BABAM2: variants seen among roughly 807,000 people sequenced by gnomAD.
BABAM2 encodes the protein BRISC and BRCA1 A complex member 2, also known as BRISC and BRCA1-A complex member 2.
Under a neutral mutation model 54.7 loss-of-function variants are expected in BABAM2, and 31 were observed. That is an observed-to-expected ratio of 0.57 (90% CI 0.43 to 0.77). BABAM2 has a LOEUF of 0.77. Ranked by LOEUF, BABAM2 falls within the 30% of genes least tolerant of loss-of-function variation. The pLI is 0.00. For synonymous variants in BABAM2, 167 were observed against 162.9 expected (o/e 1.03, Z -0.19); for missense variants, 364 against 455.8 (o/e 0.80, Z 1.83).
chr2:28,276,457 G>A (rs76683099), intron 10 of BABAM2, among the ~76,000 whole-genome samples: 1,892 of 152,244 alleles, frequency 0.012, 19 homozygotes, highest in Non-Finnish European at 0.019. Context: ...CCTTTGTAAC[G>A]CGCAGCCGTG....
intron 5 of BABAM2, among the ~76,000 whole-genome samples, chr2:28,026,735 ATATATATTTATATATAAATATATATC>A (rs1675693892): frequency 1.1e-5 from 1 of 89,268 alleles, no homozygotes; most frequent in Non-Finnish European, 2.3e-5. Flanking sequence ...TTTTATATAA[ATATATATTTATATATAAATATATATC>A]TATATAAATA....
chr2:28,186,145 A>T (rs968385626), intron 7 of BABAM2, among the ~76,000 whole-genome samples: 1 of 152,232 alleles, frequency 6.6e-6, no homozygotes, highest in Non-Finnish European at 1.5e-5. Flanking sequence ...TTCCGACCTT[A>T]GCTTAACCAC....
chr2:28,256,823 T>G (rs1684019500), intron 10 of BABAM2, among the ~76,000 whole-genome samples: 1 of 150,228 alleles, frequency 6.7e-6, no homozygotes, highest in Non-Finnish European at 1.5e-5. Flanking sequence ...GCCTCCCAAA[T>G]AGCTGGGATT....
intron 4 of BABAM2, among the ~76,000 whole-genome samples, chr2:27,990,485 G>A (rs1025720812): frequency 2.0e-5 from 3 of 152,186 alleles, no homozygotes; most frequent in Admixed American, 2.0e-4. Context: ...GAATGAAGGG[G>A]GAATACAAAT....
Position 28,101,329 on chromosome 2 carries a change from C to G in BABAM2, c.571-27942C>G, listed in dbSNP as rs534799996. ...GCTGACACAACAGGGTTATGGCTGC[C>G]GAACCTATGACAGAGTTTGTCTTTT... On this transcript the variant is annotated intron_variant, in intron 6 of 11. Coordinates refer to ENST00000379624, the MANE Select transcript of BABAM2 (RefSeq NM_199191.3). Among the ~76,000 whole-genome samples the G allele has an allele frequency of 5.1e-3, 781 of 152,158 alleles. 5 individuals are homozygous for G. Among genetic ancestry groups the G allele is most frequent in the Non-Finnish European group, 7.3e-3 (498 of 68,000 alleles).
chr2:28,208,872 T>C (rs1270640876), intron 7 of BABAM2, among the ~76,000 whole-genome samples: 2 of 152,188 alleles, frequency 1.3e-5, no homozygotes, highest in Non-Finnish European at 2.9e-5. Flanking sequence ...CCCCAGTCCC[T>C]GGTGAACAAT....
At chr2:28,173,764 G>A (rs551958410) in intron 7 of BABAM2, among the ~76,000 whole-genome samples, 26 of 152,300 alleles carry the variant, frequency 1.7e-4, no homozygotes, top group African/African-American at 4.3e-4. Context: ...TCAATTCGTC[G>A]TTTGATAGTA....
At chr2:27,913,843 C>T (rs1345379728) in intron 2 of BABAM2, among the ~76,000 whole-genome samples, 1 of 152,140 alleles carries the variant, frequency 6.6e-6, no homozygotes, top group Non-Finnish European at 1.5e-5. Flanking sequence ...GTCTTAAACA[C>T]TATGCCAGTG....
At chr2:28,221,080 A>G (rs1226953759) in intron 7 of BABAM2, among the ~76,000 whole-genome samples, 1 of 150,972 alleles carries the variant, frequency 6.6e-6, no homozygotes, top group Non-Finnish European at 1.5e-5. Context: ...TCCTTTCACC[A>G]CCGCTGCTTC....
upstream of BABAM2, chr2:27,890,467 G>T: frequency 1.1e-6 from 1 of 910,698 alleles, no homozygotes; most frequent in Non-Finnish European, 1.7e-6. The surrounding 1 kb of genome is among the most constrained non-coding windows in gnomAD (Gnocchi z 4.8). Flanking sequence ...TACGCGGGTC[G>T]CCCACCTGAC....
chr2:28,082,707 A>G (rs1043282284), intron 6 of BABAM2, among the ~76,000 whole-genome samples: 1 of 152,184 alleles, frequency 6.6e-6, no homozygotes, highest in Non-Finnish European at 1.5e-5. Flanking sequence ...AGTAGACTCT[A>G]TGCTTAATTA....
At chr2:28,319,486 C>T (rs1346556726) in intron 11 of BABAM2, among the ~76,000 whole-genome samples, 1 of 152,254 alleles carries the variant, frequency 6.6e-6, no homozygotes, top group Non-Finnish European at 1.5e-5. Context: ...CCTCTTGTAC[C>T]TGGCATGTTA....
At chr2:27,973,583 G>A (rs989106763) in intron 3 of BABAM2, among the ~76,000 whole-genome samples, 1 of 152,104 alleles carries the variant, frequency 6.6e-6, no homozygotes, top group African/African-American at 2.4e-5. Context: ...AAAACATGGG[G>A]AGGGAAAAAC....
intron 5 of BABAM2, among the ~76,000 whole-genome samples, chr2:28,040,575 C>G: frequency 6.6e-6 from 1 of 152,190 alleles, no homozygotes; most frequent in Non-Finnish European, 1.5e-5. Flanking sequence ...GCTGGGATTA[C>G]AGGCGTGAGC....
At chr2:28,062,587 A>AAC (rs1678982576) in intron 6 of BABAM2, among the ~76,000 whole-genome samples, 1 of 152,006 alleles carries the variant, frequency 6.6e-6, no homozygotes, top group African/African-American at 2.4e-5. Flanking sequence ...AAAAAAAAAA[A>AAC]AACATATTTC....
intron 2 of BABAM2, chr2:27,896,815 G>A (rs1573108139): frequency 4.3e-6 from 1 of 229,962 alleles, no homozygotes; most frequent in East Asian, 1.4e-4. Context: ...TGCCCAACTG[G>A]GTCCACATTG....
At chr2:28,133,263 C>A (rs1228714050) in intron 7 of BABAM2, among the ~76,000 whole-genome samples, 1 of 152,194 alleles carries the variant, frequency 6.6e-6, no homozygotes, top group Non-Finnish European at 1.5e-5. Flanking sequence ...GTTTTGAGAA[C>A]TGACTGTGCT....
At chr2:28,220,446 A>T (rs1680297002) in intron 7 of BABAM2, among the ~76,000 whole-genome samples, 1 of 152,188 alleles carries the variant, frequency 6.6e-6, no homozygotes, top group Non-Finnish European at 1.5e-5. Flanking sequence ...TAGATCAATA[A>T]CATAGAGTTC....
At chr2:28,169,525 C>T (rs1023600003) in intron 7 of BABAM2, among the ~76,000 whole-genome samples, 1 of 151,894 alleles carries the variant, frequency 6.6e-6, no homozygotes, top group Non-Finnish European at 1.5e-5. Context: ...ACCTGTAATC[C>T]CAGTACTTTG....
Sources: allele counts gnomAD v4.1 joint callset (sites outside exome capture counted in the v4.1 genomes callset), GRCh38; gene constraint gnomAD v4.1.1; non-coding constraint Gnocchi (gnomAD v3.1); transcripts MANE v1.5; gene names NCBI Gene and HGNC (gene_info 2026-07-23, HGNC 2026-07-21).